The following INPP4B variants were observed in gnomAD, a reference collection of about 807,000 sequenced individuals.
INPP4B encodes inositol polyphosphate-4-phosphatase type II B.
A neutral mutation model predicts 122.5 loss-of-function variants in INPP4B; 55 were observed. That is an observed-to-expected ratio of 0.45 (90% CI 0.36 to 0.56). The LOEUF is 0.56. INPP4B is among the 20% of genes least tolerant of loss of function. INPP4B has a pLI of 0.00. For synonymous variants in INPP4B, 403 were observed against 388.7 expected, an observed-to-expected ratio of 1.04 and a Z score of -0.43; for missense variants, 1,000 against 1,097.7, an observed-to-expected ratio of 0.91 and a Z score of 1.26.
intron 7 of INPP4B, among the ~76,000 whole-genome samples, chr4:142,371,449 T>C (rs1400308698): frequency 6.6e-6 from 1 of 152,074 alleles, no homozygotes; most frequent in African/African-American, 2.4e-5. Flanking sequence ...TAGAATGTTT[T>C]TGCATAGCAA....
intron 2 of INPP4B, among the ~76,000 whole-genome samples, chr4:142,548,163 C>T (rs1727065592): frequency 6.6e-6 from 1 of 152,132 alleles, no homozygotes; most frequent in South Asian, 2.1e-4. Flanking sequence ...AGGCAGACAT[C>T]TCTTTGGAAA....
chr4:142,489,116 A>G (rs1324754475), intron 2 of INPP4B, among the ~76,000 whole-genome samples: 1 of 152,154 alleles, frequency 6.6e-6, no homozygotes, highest in African/African-American at 2.4e-5. Context: ...TTGACCCACA[A>G]ATTATTTAGT....
intron 20 of INPP4B, 114 bp from the exon 21 acceptor site, chr4:142,122,359 T>C: frequency 2.5e-6 from 2 of 790,164 alleles, no homozygotes. Flanking sequence ...AGTTTCTGAA[T>C]GCAGTGAACC....
intron 8 of INPP4B, among the ~76,000 whole-genome samples, chr4:142,310,030 G>A (rs758071236): frequency 6.6e-6 from 1 of 152,154 alleles, no homozygotes; most frequent in Admixed American, 6.5e-5. Flanking sequence ...CACCTTTAAG[G>A]GGGTCAGAGA....
intron 7 of INPP4B, among the ~76,000 whole-genome samples, chr4:142,378,900 G>C (rs1012894912): frequency 6.6e-6 from 1 of 152,114 alleles, no homozygotes; most frequent in African/African-American, 2.4e-5. Context: ...ATTTCACTAT[G>C]CCTCAACTTA....
rs181035697 is a variant in INPP4B at position 142,027,446 on chromosome 4, A to G, written c.*1336T>C. 30 of 152,316 alleles carry G rather than the reference A, an allele frequency of 2.0e-4. No homozygotes were observed. Among genetic ancestry groups the G allele is most frequent in the African/African-American group, 6.7e-4 (28 of 41,578 alleles). 9.4% of individuals were successfully genotyped at this position (152,316 alleles called of 1,614,324 possible). ...TAGCATGCTCTTCTAATGAGAAAGG[A>G]ACAAGAATTTGTAAAATTTGGAGAA... is the stretch of plus-strand genomic sequence containing the variant. On this transcript the variant is annotated 3_prime_UTR_variant, in exon 26 of 26. Coordinates refer to ENST00000262992, the MANE Select transcript of INPP4B (RefSeq NM_001101669.3).
intron 25 of INPP4B, among the ~76,000 whole-genome samples, chr4:142,067,724 G>T (rs1320717744): frequency 6.6e-6 from 1 of 151,972 alleles, no homozygotes; most frequent in Non-Finnish European, 1.5e-5. Flanking sequence ...TGGAAGAAAG[G>T]GTATCAGTGA....
At chr4:142,232,973 A>G (rs939869509) in intron 12 of INPP4B, among the ~76,000 whole-genome samples, 7 of 152,172 alleles carry the variant, frequency 4.6e-5, no homozygotes, top group African/African-American at 1.4e-4. Context: ...AGTAAGCCAA[A>G]GAAGAAAATT....
intron 1 of INPP4B, among the ~76,000 whole-genome samples, chr4:142,733,314 A>G (rs1172586467): frequency 6.6e-6 from 1 of 152,192 alleles, no homozygotes; most frequent in Non-Finnish European, 1.5e-5. Flanking sequence ...CTGCATTTAA[A>G]TTAAAAACTT....
At chr4:142,107,318 T>G (rs1360265282) in intron 23 of INPP4B, among the ~76,000 whole-genome samples, 1 of 152,166 alleles carries the variant, frequency 6.6e-6, no homozygotes, top group Non-Finnish European at 1.5e-5. Context: ...ACAGAACAAA[T>G]AGTAACGAGT....
chr4:142,730,556 T>G (rs984920268), intron 1 of INPP4B, among the ~76,000 whole-genome samples: 26 of 152,200 alleles, frequency 1.7e-4, no homozygotes, highest in African/African-American at 6.3e-4. Context: ...CCAAATGTAC[T>G]GCCCTGTCAA....
At chr4:142,604,849 A>T (rs1373954299) in intron 2 of INPP4B, among the ~76,000 whole-genome samples, 2 of 152,178 alleles carry the variant, frequency 1.3e-5, no homozygotes, top group African/African-American at 4.8e-5. Flanking sequence ...GTCATTTTTC[A>T]CAGAATTAGA....
chr4:142,706,669 A>G (rs1360513287), intron 2 of INPP4B, among the ~76,000 whole-genome samples: 2 of 152,230 alleles, frequency 1.3e-5, no homozygotes, highest in Non-Finnish European at 2.9e-5. Context: ...AATAAATCCC[A>G]TTGGCTGAAG....
intron 22 of INPP4B, 35 bp from the exon 23 acceptor site, chr4:142,108,225 T>C: frequency 1.8e-6 from 2 of 1,129,734 alleles, no homozygotes. Context: ...CTGTGGGTTA[T>C]AAAACGGTAC....
At chr4:142,396,873 T>C (rs1186033654) in intron 7 of INPP4B, among the ~76,000 whole-genome samples, 1 of 152,096 alleles carries the variant, frequency 6.6e-6, no homozygotes, top group Non-Finnish European at 1.5e-5. Context: ...TTCATTCATA[T>C]AAATTTCAAC....
chr4:142,191,254 T>C (rs572462256), intron 15 of INPP4B, among the ~76,000 whole-genome samples: 2 of 152,234 alleles, frequency 1.3e-5, no homozygotes, highest in South Asian at 2.1e-4. Flanking sequence ...CCTTCTATAA[T>C]GTCCCAAACT....
rs546368179 is a variant in INPP4B at position 142,775,879 on chromosome 4, C to T, written c.-253-49978G>A. 1.6e-4 allele frequency among the ~76,000 whole-genome samples: 25 copies of T among 152,140 alleles called. No individual in the cohort carries two copies. The South Asian group carries it at 5.0e-3, about 30-fold the overall frequency. On this transcript the variant is annotated intron_variant, in intron 1 of 25. Transcript: ENST00000262992. ...ATGATATTTTGAGAATGCTCCTATT[C>T]ATATTTGGTAAGAGTTTTTATGATA... is the stretch of plus-strand genomic sequence containing the variant.
At chr4:142,478,813 G>T in intron 2 of INPP4B, among the ~76,000 whole-genome samples, 1 of 152,126 alleles carries the variant, frequency 6.6e-6, no homozygotes, top group Non-Finnish European at 1.5e-5. Context: ...GAATGAGCTG[G>T]ATCTCTTCCT....
At chr4:142,460,145 T>C (rs1816400243) in intron 3 of INPP4B, among the ~76,000 whole-genome samples, 1 of 152,072 alleles carries the variant, frequency 6.6e-6, no homozygotes, top group Non-Finnish European at 1.5e-5. Context: ...AACAAGACAG[T>C]GACAATGTTG....
Sources: gnomAD v4.1 joint callset for allele counts (sites outside exome capture counted in the v4.1 genomes callset) on GRCh38, gnomAD v4.1.1 for gene constraint, MANE v1.5 for transcripts, NCBI Gene and HGNC (gene_info 2026-07-23, HGNC 2026-07-21) for gene names.